GRM3: variants seen among roughly 807,000 people sequenced by gnomAD.
GRM3 encodes the protein glutamate metabotropic receptor 3.
Under a neutral mutation model 70.5 loss-of-function variants are expected in GRM3, and 26 were observed. The ratio of observed to expected loss-of-function variants is 0.37; its 90% CI spans 0.27 to 0.51. GRM3 has a LOEUF of 0.51. Among genes scored for constraint, GRM3 ranks in the 20% least tolerant of loss-of-function variants. The pLI is 0.93. For synonymous variants in GRM3, 443 were observed against 434.9 expected (o/e 1.02, Z -0.23); for missense variants, 859 against 1,123.8 (o/e 0.76, Z 3.37).
At chr7:86,719,864 A>T (rs115355350) in intron 1 of GRM3, among the ~76,000 whole-genome samples, 1 of 152,056 alleles carries the variant, frequency 6.6e-6, no homozygotes, top group African/African-American at 2.4e-5. Context: ...AAAGCCAATG[A>T]CACTAGCATG....
intron 5 of GRM3, among the ~76,000 whole-genome samples, chr7:86,861,678 A>T (rs1300197530): frequency 6.6e-6 from 1 of 152,196 alleles, no homozygotes; most frequent in Non-Finnish European, 1.5e-5. Context: ...TGTATTTGAG[A>T]ACAAAAGCAA....
intron 3 of GRM3, among the ~76,000 whole-genome samples, chr7:86,836,954 T>G (rs947212078): frequency 6.6e-6 from 1 of 152,144 alleles, no homozygotes; most frequent in Non-Finnish European, 1.5e-5. Flanking sequence ...CATCACCCTG[T>G]GTTACAATGA....
intron 1 of GRM3, among the ~76,000 whole-genome samples, chr7:86,730,231 G>A (rs898450679): frequency 1.1e-4 from 16 of 152,244 alleles, no homozygotes; most frequent in African/African-American, 3.8e-4. Context: ...GACCAGCCTG[G>A]CCAACATGGT....
At chr7:86,698,544 C>T (rs1378035224) in intron 1 of GRM3, among the ~76,000 whole-genome samples, 1 of 139,380 alleles carries the variant, frequency 7.2e-6, no homozygotes, top group Admixed American at 7.0e-5. Context: ...ATATAAAATA[C>T]ACATTATTAT....
chr7:86,661,712 T>C (rs1000340911), intron 1 of GRM3, among the ~76,000 whole-genome samples: 1 of 151,946 alleles, frequency 6.6e-6, no homozygotes, highest in Non-Finnish European at 1.5e-5. Flanking sequence ...ATTCAATTTT[T>C]ACAGAATAAA....
At chr7:86,660,610 AG>A (rs1793867338) in intron 1 of GRM3, among the ~76,000 whole-genome samples, 2 of 140,296 alleles carry the variant, frequency 1.4e-5, no homozygotes, top group South Asian at 5.3e-4. Context: ...AAGATGTATA[AG>A]GCTTGTGGGT....
intron 1 of GRM3, among the ~76,000 whole-genome samples, chr7:86,718,944 T>A (rs1795388061): frequency 6.6e-6 from 1 of 152,022 alleles, no homozygotes; most frequent in Admixed American, 6.6e-5. Flanking sequence ...TGACACTGAC[T>A]GTCTGGCAAG....
chr7:86,818,433 C>G (rs1460479686), intron 3 of GRM3, among the ~76,000 whole-genome samples: 1 of 151,964 alleles, frequency 6.6e-6, no homozygotes, highest in African/African-American at 2.4e-5. Flanking sequence ...TCATGTAGAC[C>G]TGAGTTTGAT....
In GRM3 at chr7:86,752,507, T is replaced by C. The variant is rs765908367; in HGVS notation, c.-140-12499T>C. Among the ~76,000 whole-genome samples, 14 of 152,230 alleles carry C rather than the reference T, an allele frequency of 9.2e-5. No individual in the cohort carries two copies. In the South Asian group the frequency reaches 1.0e-3, roughly 11 times the overall value. ...CAAGAGATATGTTAGTCTTGTTAGT[T>C]GAAAATCTGTCTCAAATTATATCTG... On this transcript the variant is annotated intron_variant, in intron 1 of 5. Coordinates refer to ENST00000361669, the MANE Select transcript of GRM3 (RefSeq NM_000840.3).
At chr7:86,784,139 T>A (rs1041032659) in intron 2 of GRM3, 1 of 152,184 alleles carries the variant, frequency 6.6e-6, no homozygotes, top group African/African-American at 2.4e-5. Flanking sequence ...TTGCAAAGCC[T>A]GCCTTCATTG....
rs78408363 is a variant in GRM3 at position 86,830,342 on chromosome 7, C to G, written c.1325-8497C>G. ...CTTGCCCTCAGCAGTAACTTGGTCA[C>G]TGACACATCCTGTATTGGATTCATT... On this transcript the variant is annotated intron_variant, in intron 3 of 5. Transcript: ENST00000361669. 7.8e-4 allele frequency among the ~76,000 whole-genome samples: 119 copies of G among 152,316 alleles called. No individual in the cohort carries two copies. The East Asian group carries it at 9.6e-3, about 12-fold the overall frequency.
At chr7:86,696,899 A>G (rs1424743401) in intron 1 of GRM3, among the ~76,000 whole-genome samples, 1 of 152,112 alleles carries the variant, frequency 6.6e-6, no homozygotes, top group Non-Finnish European at 1.5e-5. Flanking sequence ...GCCCAAGCCC[A>G]TTGTCTTAAC....
intron 1 of GRM3, among the ~76,000 whole-genome samples, chr7:86,698,244 A>G (rs1794863065): frequency 6.6e-6 from 1 of 152,090 alleles, no homozygotes; most frequent in South Asian, 2.1e-4. Flanking sequence ...TCTTATGACA[A>G]AGAACAACTG....
chr7:86,688,144 C>T (rs1794609860), intron 1 of GRM3, among the ~76,000 whole-genome samples: 1 of 151,230 alleles, frequency 6.6e-6, no homozygotes, highest in South Asian at 2.1e-4. Flanking sequence ...TTGTCAATTA[C>T]ACCTCAAAAC....
intron 2 of GRM3, among the ~76,000 whole-genome samples, chr7:86,767,951 C>T (rs947366136): frequency 1.3e-5 from 2 of 152,068 alleles, no homozygotes; most frequent in African/African-American, 4.8e-5. Flanking sequence ...ATTGAAAGAC[C>T]TATCTCATTA....
chr7:86,848,646 G>A (rs1422937610), intron 4 of GRM3, among the ~76,000 whole-genome samples: 1 of 151,998 alleles, frequency 6.6e-6, no homozygotes, highest in Non-Finnish European at 1.5e-5. Flanking sequence ...AGGTCTCCAG[G>A]CCAAGACATA....
At chr7:86,853,708 C>T (rs971235180) in intron 5 of GRM3, among the ~76,000 whole-genome samples, 1 of 152,154 alleles carries the variant, frequency 6.6e-6, no homozygotes, top group East Asian at 1.9e-4. Context: ...ACAGAGTTAT[C>T]GCGTTTCCTC....
chr7:86,791,028 C>G (rs1372044589), intron 3 of GRM3, among the ~76,000 whole-genome samples: 1 of 152,118 alleles, frequency 6.6e-6, no homozygotes, highest in African/African-American at 2.4e-5. Flanking sequence ...CCACAAAAAA[C>G]AGAAATCATT....
intron 1 of GRM3, among the ~76,000 whole-genome samples, chr7:86,682,782 T>C (rs2115974986): frequency 6.6e-6 from 1 of 152,258 alleles, no homozygotes; most frequent in South Asian, 2.1e-4. Context: ...GAGCTAGTCA[T>C]TATGGTTCAG....
Sources: gnomAD v4.1 joint callset for allele counts (sites outside exome capture counted in the v4.1 genomes callset) on GRCh38, gnomAD v4.1.1 for gene constraint, MANE v1.5 for transcripts, NCBI Gene and HGNC (gene_info 2026-07-23, HGNC 2026-07-21) for gene names.